Variants in ALMS1 observed in about 807,000 individuals in gnomAD.
The protein encoded by ALMS1 is ALMS1 centrosome and basal body associated protein, also known as centrosome-associated protein ALMS1.
ALMS1 carries 271 observed loss-of-function variants against 352.2 expected under a neutral mutation model. That is an observed-to-expected ratio of 0.77 (90% confidence interval 0.70 to 0.85). The LOEUF is 0.85. Ranked by LOEUF, ALMS1 falls within the 40% of genes least tolerant of loss-of-function variation. ALMS1 has a pLI of 0.00. For synonymous variants in ALMS1, 1,865 were observed against 1,761.2 expected (o/e 1.06, Z -1.48); for missense variants, 5,445 against 4,870.7 (o/e 1.12, Z -3.51).
At chr2:73,604,654 A>G (rs1393421866) in intron 21 of ALMS1, among the ~76,000 whole-genome samples, 1 of 152,148 alleles carries the variant, frequency 6.6e-6, no homozygotes. Context: ...ATCCAAAGGG[A>G]TGCTTTGGAT....
At chr2:73,565,950 C>G (rs1004774503) in intron 15 of ALMS1, among the ~76,000 whole-genome samples, 1 of 152,024 alleles carries the variant, frequency 6.6e-6, no homozygotes, top group Non-Finnish European at 1.5e-5. Flanking sequence ...GGATAGAATC[C>G]TGGAACAGAA....
chr2:73,570,303 T>C (rs1019874303), intron 15 of ALMS1, among the ~76,000 whole-genome samples: 6 of 152,004 alleles, frequency 3.9e-5, no homozygotes, highest in Non-Finnish European at 7.4e-5. Context: ...AAATGCAAAT[T>C]TGAAAATAAG....
At chr2:73,573,583 A>G (rs1290074782) in intron 16 of ALMS1, 159 bp downstream of exon 16, 5 of 758,594 alleles carry the variant, frequency 6.6e-6, no homozygotes, top group East Asian at 2.7e-5. Context: ...GTACAGTGCT[A>G]TTGTGAGTTG....
At chr2:73,455,522 G>A (rs1015430467) in intron 9 of ALMS1, among the ~76,000 whole-genome samples, 13 of 152,296 alleles carry the variant, frequency 8.5e-5, no homozygotes, top group African/African-American at 3.1e-4. Context: ...TCCCACCTCA[G>A]CCTCTCAGGT....
rs761440321 is a variant in ALMS1 at position 73,534,958 on chromosome 2, C to T, written c.9907+9C>T. 1.4e-5 allele frequency: 23 copies of T among 1,613,412 alleles called. No individual in the cohort carries two copies. Among genetic ancestry groups the T allele is most frequent in the Non-Finnish European group, 1.9e-5 (22 of 1,179,602 alleles). ...TGAAAGCTCCCATTCAGGTATTATG[C>T]AGAAATTATTCGAAGTTTTATTGTT... is the stretch of plus-strand genomic sequence containing the variant. On this transcript the variant is annotated intron_variant, in intron 12 of 22. Coordinates refer to ENST00000613296, the MANE Select transcript of ALMS1 (RefSeq NM_001378454.1).
intron 2 of ALMS1, among the ~76,000 whole-genome samples, chr2:73,418,070 A>T (rs1047987540): frequency 6.6e-6 from 1 of 152,164 alleles, no homozygotes; most frequent in African/African-American, 2.4e-5. Flanking sequence ...TGTGTTTTAT[A>T]TCTTGGGCTT....
chr2:73,389,704 C>T (rs931505861), intron 1 of ALMS1, among the ~76,000 whole-genome samples: 6 of 151,820 alleles, frequency 4.0e-5, no homozygotes, highest in Admixed American at 1.3e-4. Context: ...TTTTTTCCCC[C>T]GCCGAGATGA....
At chr2:73,555,335 A>G (rs1674520906) in intron 13 of ALMS1, among the ~76,000 whole-genome samples, 1 of 152,238 alleles carries the variant, frequency 6.6e-6, no homozygotes. Flanking sequence ...TAACATACAC[A>G]GAGATGGCAT....
chr2:73,391,572 C>T (rs527888536), intron 1 of ALMS1, among the ~76,000 whole-genome samples: 104 of 152,278 alleles, frequency 6.8e-4, no homozygotes, highest in African/African-American at 2.3e-3. Context: ...GGATTACAGG[C>T]TTGAGCCACC....
At chr2:73,492,868 G>A (rs1394517305) in intron 10 of ALMS1, among the ~76,000 whole-genome samples, 1 of 151,864 alleles carries the variant, frequency 6.6e-6, no homozygotes. Context: ...CACCTGAATA[G>A]CTGGGACCAC....
chr2:73,477,840 A>G (rs908003472), intron 9 of ALMS1, among the ~76,000 whole-genome samples: 5 of 152,112 alleles, frequency 3.3e-5, no homozygotes, highest in Non-Finnish European at 5.9e-5. Context: ...AGCTTTGCTG[A>G]ACTTATTAGT....
rs375040744 is a variant in ALMS1 at position 73,473,818 on chromosome 2, T to C, written c.7675-15816T>C. Among the ~76,000 whole-genome samples, 30 of 152,126 alleles carry C rather than the reference T, an allele frequency of 2.0e-4. No homozygotes were observed. The East Asian group carries it at 2.5e-3, about 13-fold the overall frequency. On this transcript the variant is annotated intron_variant, in intron 9 of 22. Transcript: ENST00000613296. ...GAACTTGAAGAAAGGTCAGATGATT[T>C]ATTTATTCGAGGAGAAGAAAGAGAA...
At chr2:73,552,239 G>C (rs1364889816) in intron 13 of ALMS1, among the ~76,000 whole-genome samples, 2 of 152,110 alleles carry the variant, frequency 1.3e-5, no homozygotes, top group African/African-American at 4.8e-5. Flanking sequence ...AAAACACAGT[G>C]AAGTCTTTTT....
intron 13 of ALMS1, among the ~76,000 whole-genome samples, chr2:73,553,525 C>T (rs963419159): frequency 9.9e-5 from 15 of 152,114 alleles, no homozygotes; most frequent in African/African-American, 3.4e-4. Flanking sequence ...TAGGGATTGG[C>T]ACATAGAAAC....
chr2:73,449,636 G>C lies in ALMS1; in HGVS notation c.3109G>C (p.Asp1037His). The C allele has an allele frequency of 6.2e-7, 1 of 1,614,052 alleles. No individual in the cohort carries two copies. The highest frequency in any genetic ancestry group is 1.7e-5 in the Admixed American group (1 of 59,994). Reference sequence around the variant, plus strand: ...AGTTTCAACTGGCCCTGGACCAGCTGACCAGAAGACTGAGATACCAGCAGT... The same window carrying C: ...AGTTTCAACTGGCCCTGGACCAGCTCACCAGAAGACTGAGATACCAGCAGT... The part of the protein sequence containing the change: ...LKVSTGPGPA[D>H]QKTEIPAVQS... The change falls in exon 8 of 23, where the codon GAC becomes CAC. Residue 1037 changes from aspartate (D) to histidine (H), a missense_variant. By Grantham distance (81) the Asp-to-His change is moderately conservative. Coordinates refer to ENST00000613296, the MANE Select transcript of ALMS1 (RefSeq NM_001378454.1).
At chr2:73,543,077 G>A (rs1674226195) in intron 12 of ALMS1, among the ~76,000 whole-genome samples, 1 of 152,076 alleles carries the variant, frequency 6.6e-6, no homozygotes, top group African/African-American at 2.4e-5. Flanking sequence ...AAGACAAAAG[G>A]ACAAAGCTGG....
rs1674959132 is a variant in ALMS1 at position 73,572,548 on chromosome 2, A to C, written c.10671A>C (p.Lys3557Asn). ...SLSINVNLGN[K>N]EVMDTTKSQV... ...GCATCAATGTGAATTTGGGAAACAAAGAAGTGATGGATACTACTAAAAGTC... is the reference window on the plus strand; with the variant it reads ...GCATCAATGTGAATTTGGGAAACAACGAAGTGATGGATACTACTAAAAGTC... Residue 3557 changes from lysine (K) to asparagine (N), a missense_variant, in exon 16 of 23, where the codon AAA becomes AAC. Physicochemically the swap from Lys to Asn is moderately conservative, Grantham distance 94 (BLOSUM62 0). Coordinates refer to ENST00000613296, the MANE Select transcript of ALMS1 (RefSeq NM_001378454.1). 3 of 1,613,812 alleles carry C rather than the reference A, an allele frequency of 1.9e-6. No individual in the cohort carries two copies. The East Asian group carries it at 6.7e-5, about 36-fold the overall frequency.
chr2:73,608,673 A>G, intron 22 of ALMS1, 99 bp downstream of exon 22: 1 of 938,552 alleles, frequency 1.1e-6, no homozygotes, highest in Middle Eastern at 2.3e-4. Context: ...GTCAGAATGA[A>G]CCGCATTTGA....
chr2:73,525,939 G>A (rs1673781726), intron 11 of ALMS1, among the ~76,000 whole-genome samples: 1 of 152,052 alleles, frequency 6.6e-6, no homozygotes, highest in African/African-American at 2.4e-5. Flanking sequence ...AATCCATTTT[G>A]ATTTGATTTC....
Sources: allele counts gnomAD v4.1 joint callset (sites outside exome capture counted in the v4.1 genomes callset), GRCh38; gene constraint gnomAD v4.1.1; transcripts MANE v1.5; gene names NCBI Gene and HGNC (gene_info 2026-07-23, HGNC 2026-07-21).